NAV2: variants seen among roughly 807,000 people sequenced by gnomAD.
NAV2 encodes neuron navigator 2.
NAV2 carries 54 observed loss-of-function variants against 223.2 expected under a neutral mutation model. The ratio of observed to expected loss-of-function variants is 0.24; its 90% CI spans 0.19 to 0.30. The LOEUF (loss-of-function observed/expected upper bound fraction) is 0.30, where lower values mean the gene tolerates loss of function less well. NAV2 is among the 10% of genes least tolerant of loss of function. The probability of loss-of-function intolerance (pLI) is 1.00; values close to 1 mark genes in which losing one functional copy is unlikely to be tolerated. For missense variants in NAV2, 2,806 were observed against 3,147.5 expected, an observed-to-expected ratio of 0.89 and a Z score of 2.60; for synonymous variants, 1,279 against 1,239.3, an observed-to-expected ratio of 1.03 and a Z score of -0.67.
chr11:19,351,408 T>C (rs1853304677), intron 1 of NAV2, among the ~76,000 whole-genome samples: 1 of 152,232 alleles, frequency 6.6e-6, no homozygotes, highest in African/African-American at 2.4e-5. Flanking sequence ...GCGGAGGTTT[T>C]GTTTGAATTA....
intron 10 of NAV2, among the ~76,000 whole-genome samples, chr11:19,953,858 C>CGCGTGTGTGT (rs757111939): frequency 6.6e-6 from 1 of 150,524 alleles, no homozygotes; most frequent in African/African-American, 2.4e-5. Flanking sequence ...CACGCGCGCG[C>CGCGTGTGTGT]GTGTGTGTGT....
At chr11:19,578,091 C>T (rs1024104329) in intron 1 of NAV2, among the ~76,000 whole-genome samples, 1 of 152,330 alleles carries the variant, frequency 6.6e-6, no homozygotes, top group South Asian at 2.1e-4. Flanking sequence ...AGCGTCCCCT[C>T]CCCACCACCC....
chr11:19,924,586 T>C (rs1321614847), intron 6 of NAV2, among the ~76,000 whole-genome samples: 1 of 152,206 alleles, frequency 6.6e-6, no homozygotes, highest in East Asian at 1.9e-4. Context: ...ATTCTGCATA[T>C]TTATTTTTGA....
In NAV2 at chr11:19,671,057, G is replaced by A. The variant is rs149511527; in HGVS notation, c.76-161427G>A. Reference sequence around the variant, plus strand: ...TACACCTCCGGGGTGCATGCTAAGTGCACAGAGCAGGCTGGAGCTTGGGCT... The same window carrying A: ...TACACCTCCGGGGTGCATGCTAAGTACACAGAGCAGGCTGGAGCTTGGGCT... On this transcript the variant is annotated intron_variant, in intron 1 of 37. Transcript: ENST00000360655. 7.9e-3 allele frequency among the ~76,000 whole-genome samples: 1,202 copies of A among 152,316 alleles called. 8 individuals are homozygous for A. Among genetic ancestry groups the A allele is most frequent in the Middle Eastern group, 0.031 (9 of 294 alleles).
intron 4 of NAV2, among the ~76,000 whole-genome samples, chr11:19,875,272 CCTA>C (rs1291395411): frequency 2.0e-5 from 3 of 152,182 alleles, no homozygotes; most frequent in African/African-American, 7.2e-5. Flanking sequence ...ATACATCTAA[CCTA>C]CTGAACATCA....
intron 1 of NAV2, among the ~76,000 whole-genome samples, chr11:19,815,043 C>T (rs546349916): frequency 4.1e-4 from 62 of 152,160 alleles, no homozygotes; most frequent in African/African-American, 1.5e-3. Flanking sequence ...CGTTTAAACC[C>T]GCAAAGCATT....
rs1468414836 is a variant in NAV2 at position 20,118,140 on chromosome 11, T to C, written c.7172T>C (p.Met2391Thr). ...SDAEGDPLMN[M>T]LMRLQEAANY... is the part of the protein sequence containing the mutation. The stretch of plus-strand genomic sequence containing the variant: ...TCTCCACTCTTCCCCTAGATGAACA[T>C]GCTGATGAGGCTGCAGGAGGCAGCC... Residue 2391 changes from methionine to threonine, a missense_variant, in exon 38 of 38, where the codon ATG (methionine) becomes ACG (threonine). Physicochemically the swap from Met to Thr is moderately conservative, Grantham distance 81. Around this residue, in one of 4 missense-constraint regions of NAV2, gnomAD observed 824 missense variants for 1,069.4 expected, o/e 0.77. Transcript: ENST00000349880. The C allele has an allele frequency of 1.3e-6, 2 of 1,599,914 alleles. No homozygotes were observed. The highest frequency in any genetic ancestry group is 1.7e-6 in the Non-Finnish European group (2 of 1,172,150).
chr11:19,565,391 C>T (rs1721308369), intron 1 of NAV2, among the ~76,000 whole-genome samples: 1 of 152,232 alleles, frequency 6.6e-6, no homozygotes. Context: ...AAGGTCCCCT[C>T]CTCCCTCTTC....
chr11:20,051,165 A>G (rs2057966185), intron 16 of NAV2, 124 bp from the exon 17 acceptor site: 2 of 768,694 alleles, frequency 2.6e-6, no homozygotes, highest in Non-Finnish European at 2.3e-6. Context: ...CTAGCTGGAT[A>G]AGGCACTTCC....
At chr11:19,379,815 C>A (rs562943262) in intron 1 of NAV2, among the ~76,000 whole-genome samples, 1 of 152,152 alleles carries the variant, frequency 6.6e-6, no homozygotes, top group Non-Finnish European at 1.5e-5. Flanking sequence ...AATCCAGCCA[C>A]GTAATTCTCT....
At position 19,545,765 on chromosome 11, in the gene NAV2, G is replaced by GTT. The variant is rs11424102; in HGVS notation, c.75+194746_75+194747dup. On this transcript the variant is annotated intron_variant, in intron 1 of 37. Transcript: ENST00000360655. The stretch of plus-strand genomic sequence containing the variant: ...AAACACTTTGGGATTTTTTTTGCAG[G>GTT]TTTTTTTTTAGCTCATCAGCTATTG... Among the ~76,000 whole-genome samples the GTT allele has an allele frequency of 5.6e-3, 839 of 150,672 alleles. 5 individuals are homozygous for GTT. The highest frequency in any genetic ancestry group is 0.019 in the African/African-American group (782 of 40,908).
intron 1 of NAV2, among the ~76,000 whole-genome samples, chr11:19,631,926 T>G (rs1157389366): frequency 3.9e-5 from 6 of 152,252 alleles, no homozygotes; most frequent in Non-Finnish European, 7.3e-5. Flanking sequence ...ATTTTACACA[T>G]TCTCCATCAG....
chr11:19,739,015 T>C (rs564575622), intron 1 of NAV2, among the ~76,000 whole-genome samples: 7 of 139,978 alleles, frequency 5.0e-5, no homozygotes, highest in Admixed American at 2.7e-4. Flanking sequence ...ACGCCATCAC[T>C]ACAAAAAATA....
intron 10 of NAV2, among the ~76,000 whole-genome samples, chr11:19,966,865 C>T (rs1203031753): frequency 1.3e-5 from 2 of 152,144 alleles, no homozygotes; most frequent in African/African-American, 2.4e-5. Flanking sequence ...TACTCTCTCA[C>T]GTTTCCAACT....
Position 20,020,927 on chromosome 11 carries a change from T to C in NAV2, c.2769-15032T>C, listed in dbSNP as rs750033748. 5.3e-5 allele frequency among the ~76,000 whole-genome samples: 8 copies of C among 152,264 alleles called. No homozygotes were observed. The South Asian group carries it at 6.2e-4, about 12-fold the overall frequency. ...TCCAGCCACTCATTCTTGGAATGCA[T>C]TGCAAGTCGTATACTATCTCAGGGC... On this transcript the variant is annotated intron_variant, in intron 11 of 37. Transcript: ENST00000349880.
chr11:19,396,481 C>T (rs1849453925), intron 1 of NAV2, among the ~76,000 whole-genome samples: 1 of 152,168 alleles, frequency 6.6e-6, no homozygotes, highest in African/African-American at 2.4e-5. Flanking sequence ...TTTAGAACGC[C>T]CTATCTGTGT....
At chr11:19,451,764 A>G (rs1419297659) in intron 1 of NAV2, among the ~76,000 whole-genome samples, 2 of 152,184 alleles carry the variant, frequency 1.3e-5, no homozygotes, top group African/African-American at 4.8e-5. Flanking sequence ...AGAGTTCTAG[A>G]GGAAGGAACA....
At chr11:19,554,270 G>T (rs929341183) in intron 1 of NAV2, among the ~76,000 whole-genome samples, 2 of 152,126 alleles carry the variant, frequency 1.3e-5, no homozygotes, top group Non-Finnish European at 2.9e-5. Flanking sequence ...GCTCAGAGAG[G>T]TAAATCAACT....
At chr11:19,865,613 A>G (rs1251678017) in intron 3 of NAV2, among the ~76,000 whole-genome samples, 2 of 152,186 alleles carry the variant, frequency 1.3e-5, no homozygotes, top group African/African-American at 4.8e-5. Flanking sequence ...AGACTTGAGG[A>G]ATGTTTTTTG....
Sources: allele counts gnomAD v4.1 joint callset (sites outside exome capture counted in the v4.1 genomes callset), GRCh38; gene constraint gnomAD v4.1.1; regional missense constraint gnomAD v4.1.1; transcripts MANE v1.5; gene names NCBI Gene and HGNC (gene_info 2026-07-23, HGNC 2026-07-21).